The following TRIM44 variants were observed in gnomAD, a reference collection of about 807,000 sequenced individuals.
TRIM44 encodes the protein tripartite motif-containing protein 44.
In TRIM44, 13 loss-of-function variants were observed where a neutral mutation model predicts 37.4. The ratio of observed to expected loss-of-function variants is 0.35; its 90% CI spans 0.23 to 0.55. The LOEUF is 0.55. Ranked by LOEUF, TRIM44 falls within the 20% of genes least tolerant of loss-of-function variation. The pLI is 0.89. For missense variants in TRIM44, 426 were observed against 437.2 expected (o/e 0.97, Z 0.23); for synonymous variants, 175 against 157.2 (o/e 1.11, Z -0.85).
intron 4 of TRIM44, among the ~76,000 whole-genome samples, chr11:35,739,158 A>G (rs1051852186): frequency 2.6e-5 from 4 of 152,166 alleles, no homozygotes; most frequent in African/African-American, 7.2e-5. Context: ...ATTTACCACA[A>G]TCATAATCAT....
intron 2 of TRIM44, among the ~76,000 whole-genome samples, chr11:35,707,710 A>G (rs1851908872): frequency 6.8e-6 from 1 of 148,016 alleles, no homozygotes; most frequent in Non-Finnish European, 1.5e-5. Flanking sequence ...GGCTAGCCAT[A>G]TGTAGAAAGC....
At chr11:35,670,674 C>T (rs1315688785) in intron 1 of TRIM44, among the ~76,000 whole-genome samples, 5 of 152,144 alleles carry the variant, frequency 3.3e-5, no homozygotes, top group Admixed American at 2.6e-4. Context: ...TCTAGAATGT[C>T]AATTTGGTTA....
rs371941381 is a variant in TRIM44 at position 35,800,164 on chromosome 11, G to A, written c.1008-6194G>A. On this transcript the variant is annotated intron_variant, in intron 4 of 4. Transcript: ENST00000299413. ...TTCCTTCAGATGTTCAGATGTGTCC[G>A]GAGTTTCTTCCTTCCAGTGGGTTTG... is the stretch of plus-strand genomic sequence containing the variant. 6.5e-4 allele frequency among the ~76,000 whole-genome samples: 99 copies of A among 152,290 alleles called. 1 individual carries two copies. Among genetic ancestry groups the A allele is most frequent in the South Asian group, 6.0e-3 (29 of 4,818 alleles).
chr11:35,720,646 A>G (rs549060548), intron 2 of TRIM44, among the ~76,000 whole-genome samples: 5 of 152,054 alleles, frequency 3.3e-5, no homozygotes, highest in South Asian at 2.1e-4. Flanking sequence ...TGAGTTTCTG[A>G]CCATTAAGTG....
rs1852362191 is a variant in TRIM44, at chr11:35,739,229, C to T, written c.1007+3784C>T. Among the ~76,000 whole-genome samples, 2 of 152,192 alleles carry T rather than the reference C, an allele frequency of 1.3e-5. 1 individual carries two copies. The highest frequency in any genetic ancestry group is 4.1e-4 in the South Asian group (2 of 4,832). On this transcript the variant is annotated intron_variant, in intron 4 of 4. Coordinates refer to ENST00000299413, the MANE Select transcript of TRIM44 (RefSeq NM_017583.6). ...TGCTTTATATATATTCTAATTTAAT[C>T]TACATGCAAACCTCATGATATAGTT... is the stretch of plus-strand genomic sequence containing the variant.
intron 2 of TRIM44, among the ~76,000 whole-genome samples, chr11:35,686,718 A>G (rs746115713): frequency 6.6e-6 from 1 of 151,940 alleles, no homozygotes; most frequent in Non-Finnish European, 1.5e-5. Context: ...CACCACACCC[A>G]GCTAACTTTT....
At chr11:35,713,806 T>C (rs956215348) in intron 2 of TRIM44, among the ~76,000 whole-genome samples, 17 of 152,164 alleles carry the variant, frequency 1.1e-4, no homozygotes, top group Admixed American at 2.6e-4. Flanking sequence ...GAGAGGCAAG[T>C]TGTGAGATTG....
rs1565042583 is a variant in TRIM44 at position 35,806,531 on chromosome 11, A to G, written c.*146A>G. 4 of 855,400 alleles carry G rather than the reference A, an allele frequency of 4.7e-6. No individual in the cohort carries two copies. The highest frequency in any genetic ancestry group is 2.5e-5 in the East Asian group (1 of 40,528). The allele number at this position is 855,400 out of a possible 1,614,324, so 53.0% of individuals were successfully genotyped here. ...GTCCCCAGATCCACAGCAGGCACAT[A>G]TCTCTCCAAGGGATGACCAGTTTTA... is the stretch of plus-strand genomic sequence containing the variant. On this transcript the variant is annotated 3_prime_UTR_variant, in exon 5 of 5. Transcript: ENST00000299413.
At chr11:35,786,351 A>G (rs1853130745) in intron 4 of TRIM44, among the ~76,000 whole-genome samples, 3 of 152,216 alleles carry the variant, frequency 2.0e-5, no homozygotes. Flanking sequence ...TTAGATGGTT[A>G]TTGACAACTA....
At chr11:35,729,498 C>G (rs1446865137) in intron 3 of TRIM44, among the ~76,000 whole-genome samples, 1 of 152,138 alleles carries the variant, frequency 6.6e-6, no homozygotes, top group African/African-American at 2.4e-5. Context: ...AGATAGAGCT[C>G]TAACTCCTCC....
chr11:35,685,727 A>G (rs982340130), intron 2 of TRIM44, among the ~76,000 whole-genome samples: 2 of 151,772 alleles, frequency 1.3e-5, no homozygotes, highest in African/African-American at 4.8e-5. Context: ...GCAGTGGCGC[A>G]ATCTTGGCTC....
chr11:35,693,628 C>A lies in TRIM44; in HGVS notation c.747+8292C>A, dbSNP rs192980796. 1.9e-3 allele frequency among the ~76,000 whole-genome samples: 285 copies of A among 152,206 alleles called. 1 individual carries two copies. Among genetic ancestry groups the A allele is most frequent in the Non-Finnish European group, 3.0e-3 (205 of 67,992 alleles). ...TGGGGCCTAGTACATGAGCTTAGTC[C>A]AAAACAATGGCCTCCCATAGTTTTG... On this transcript the variant is annotated intron_variant, in intron 2 of 4. Transcript: ENST00000299413.
chr11:35,777,272 T>G (rs1852982945), intron 4 of TRIM44, among the ~76,000 whole-genome samples: 1 of 152,230 alleles, frequency 6.6e-6, no homozygotes, highest in South Asian at 2.1e-4. Flanking sequence ...AGACTAGGAT[T>G]GCAACCCCTG....
intron 4 of TRIM44, among the ~76,000 whole-genome samples, chr11:35,753,601 G>C (rs1852585833): frequency 6.6e-6 from 1 of 152,106 alleles, no homozygotes; most frequent in Non-Finnish European, 1.5e-5. Context: ...GTATTCTCTT[G>C]CTTCTTTTCA....
At chr11:35,739,568 T>G (rs1454522353) in intron 4 of TRIM44, among the ~76,000 whole-genome samples, 1 of 152,134 alleles carries the variant, frequency 6.6e-6, no homozygotes, top group East Asian at 1.9e-4. Context: ...TTGCTTCCGC[T>G]CTCAGCCTCT....
chr11:35,685,159 G>A, intron 1 of TRIM44, 100 bp from the exon 2 acceptor site: 1 of 944,322 alleles, frequency 1.1e-6, no homozygotes, highest in East Asian at 2.4e-5. Flanking sequence ...TGGCTGTTAA[G>A]AAAAAATTGC....
In TRIM44 at chr11:35,809,841, AGT is replaced by A. The variant is rs1565046013; in HGVS notation, c.*3460_*3461del. 6.6e-6 allele frequency: 1 copy of A among 151,990 alleles called. No homozygotes were observed. Among genetic ancestry groups the A allele is most frequent in the Non-Finnish European group, 1.5e-5 (1 of 67,990 alleles). 9.4% of individuals were successfully genotyped at this position (151,990 alleles called of 1,614,324 possible). On this transcript the variant is annotated 3_prime_UTR_variant, in exon 5 of 5. Coordinates refer to ENST00000299413, the MANE Select transcript of TRIM44 (RefSeq NM_017583.6). ...AGTGTGTACCTATATATAAAGGACA[AGT>A]GTGATATGTGTGTATATGTATATAC... is the stretch of plus-strand genomic sequence containing the variant.
At chr11:35,710,771 C>T (rs1055505686) in intron 2 of TRIM44, among the ~76,000 whole-genome samples, 35 of 152,294 alleles carry the variant, frequency 2.3e-4, no homozygotes, top group Middle Eastern at 3.4e-3. Flanking sequence ...AGGGTAACTT[C>T]CCTTGTTTTC....
At chr11:35,751,269 A>G (rs1852556391) in intron 4 of TRIM44, among the ~76,000 whole-genome samples, 1 of 152,262 alleles carries the variant, frequency 6.6e-6, no homozygotes, top group Admixed American at 6.5e-5. Context: ...CTAAAAGCTA[A>G]TACATGTTTA....
Sources: gnomAD v4.1 joint callset for allele counts (sites outside exome capture counted in the v4.1 genomes callset) on GRCh38, gnomAD v4.1.1 for gene constraint, MANE v1.5 for transcripts, NCBI Gene and HGNC (gene_info 2026-07-23, HGNC 2026-07-21) for gene names.